Variants in SLC24A2 observed in about 807,000 individuals in gnomAD.
SLC24A2 encodes the protein solute carrier family 24 member 2.
In SLC24A2, 36 loss-of-function variants were observed where a neutral mutation model predicts 62.0. The ratio of observed to expected loss-of-function variants is 0.58; its 90% CI spans 0.44 to 0.77. SLC24A2 has a LOEUF of 0.77. Among genes scored for constraint, SLC24A2 ranks in the 30% least tolerant of loss-of-function variants. SLC24A2 has a pLI of 0.00. For missense variants in SLC24A2, 846 were observed against 817.9 expected, an observed-to-expected ratio of 1.03 and a Z score of -0.42; for synonymous variants, 358 against 294.0, an observed-to-expected ratio of 1.22 and a Z score of -2.23.
the SLC24A2 span, among the ~76,000 whole-genome samples, chr9:19,811,591 G>A: frequency 2.6e-5 from 4 of 152,124 alleles, no homozygotes; most frequent in African/African-American, 9.6e-5. Context: ...ACAGGCATCA[G>A]CCACTGTGCC....
At chr9:19,633,677 G>A (rs1818233316) in intron 2 of SLC24A2, among the ~76,000 whole-genome samples, 1 of 152,126 alleles carries the variant, frequency 6.6e-6, no homozygotes, top group South Asian at 2.1e-4. Flanking sequence ...ATTAGCATGA[G>A]TTTCTGTAAT....
chr9:19,646,004 C>T (rs986354731), intron 2 of SLC24A2, among the ~76,000 whole-genome samples: 2 of 152,178 alleles, frequency 1.3e-5, no homozygotes, highest in Non-Finnish European at 2.9e-5. Context: ...TACAGCTTCT[C>T]CACTGATAGC....
the SLC24A2 span, among the ~76,000 whole-genome samples, chr9:19,853,409 GC>G: frequency 1.3e-5 from 2 of 152,132 alleles, no homozygotes; most frequent in Non-Finnish European, 2.9e-5. Context: ...AATGCTTCTA[GC>G]TTTTGCTCTT....
the SLC24A2 span, among the ~76,000 whole-genome samples, chr9:20,061,307 C>G: frequency 6.7e-6 from 1 of 149,614 alleles, no homozygotes. Context: ...TTTTTTGAGA[C>G]AGAGTCTCAC....
chr9:19,877,603 A>G, the SLC24A2 span, among the ~76,000 whole-genome samples: 1 of 151,736 alleles, frequency 6.6e-6, no homozygotes. Context: ...AGATGGCCAG[A>G]AGTGACTTGC....
At chr9:19,758,546 C>A (rs13291328) in intron 2 of SLC24A2, among the ~76,000 whole-genome samples, 28,128 of 151,878 alleles carry the variant, frequency 0.19, 3,162 homozygotes, top group South Asian at 0.3. Context: ...ACAAAAAAAA[C>A]CCCCTAAGAA....
chr9:20,117,129 A>C, the SLC24A2 span, among the ~76,000 whole-genome samples: 2 of 152,174 alleles, frequency 1.3e-5, no homozygotes, highest in Non-Finnish European at 2.9e-5. Context: ...CATCATGCCC[A>C]GCCAAAGATA....
At chr9:19,587,490 C>T (rs765054190) in intron 5 of SLC24A2, among the ~76,000 whole-genome samples, 6 of 152,072 alleles carry the variant, frequency 3.9e-5, no homozygotes, top group Admixed American at 6.6e-5. Flanking sequence ...TCATGTGAAA[C>T]GTGGGTTAGC....
the SLC24A2 span, among the ~76,000 whole-genome samples, chr9:19,797,598 G>A: frequency 6.6e-6 from 1 of 152,212 alleles, no homozygotes; most frequent in African/African-American, 2.4e-5. Context: ...CTCTTAGGCT[G>A]ATCAATTTCC....
At chr9:19,596,925 G>C (rs1403620618) in intron 5 of SLC24A2, among the ~76,000 whole-genome samples, 2 of 152,136 alleles carry the variant, frequency 1.3e-5, no homozygotes, top group Non-Finnish European at 2.9e-5. Flanking sequence ...GTGAGCATGT[G>C]GGGGAAAGTA....
chr9:19,655,356 G>T (rs948567211), intron 2 of SLC24A2, among the ~76,000 whole-genome samples: 2 of 152,164 alleles, frequency 1.3e-5, no homozygotes, highest in Non-Finnish European at 2.9e-5. Context: ...TGATCCATTC[G>T]CATTCTAAAG....
chr9:20,145,329 A>G, the SLC24A2 span, among the ~76,000 whole-genome samples: 10,803 of 151,976 alleles, frequency 0.071, 1,286 homozygotes, highest in African/African-American at 0.24. Flanking sequence ...GGGATATAAC[A>G]TGGGGGATAT....
chr9:19,852,250 C>A, the SLC24A2 span, among the ~76,000 whole-genome samples: 2 of 152,130 alleles, frequency 1.3e-5, no homozygotes, highest in African/African-American at 2.4e-5. Context: ...GAATAGATTA[C>A]AAAAATTTTC....
chr9:19,635,346 T>C (rs1423363555), intron 2 of SLC24A2, among the ~76,000 whole-genome samples: 5 of 152,244 alleles, frequency 3.3e-5, no homozygotes, highest in Non-Finnish European at 5.9e-5. Context: ...CTTTAGCCAT[T>C]AGAAACTTCT....
chr9:20,050,087 G>A, the SLC24A2 span, among the ~76,000 whole-genome samples: 1 of 151,862 alleles, frequency 6.6e-6, no homozygotes. Context: ...AACAAGCCAA[G>A]AACTGCTCCC....
intron 2 of SLC24A2, among the ~76,000 whole-genome samples, chr9:19,668,359 T>C (rs191232012): frequency 1.7e-4 from 26 of 152,244 alleles, no homozygotes; most frequent in Admixed American, 9.8e-4. Flanking sequence ...CTGGGTGAAA[T>C]TGCACAGCCC....
chr9:19,779,886 C>T (rs1478028766), intron 2 of SLC24A2, among the ~76,000 whole-genome samples: 1 of 132,590 alleles, frequency 7.5e-6, no homozygotes, highest in Non-Finnish European at 1.7e-5. Flanking sequence ...GGTGAAACCC[C>T]GTCTCTAGTA....
chr9:19,982,088 C>A, the SLC24A2 span, among the ~76,000 whole-genome samples: 1 of 152,080 alleles, frequency 6.6e-6, no homozygotes. Context: ...GTGTGTTACT[C>A]TGGCTAGGGG....
chr9:20,070,645 G>T, the SLC24A2 span, among the ~76,000 whole-genome samples: 2 of 152,234 alleles, frequency 1.3e-5, no homozygotes, highest in African/African-American at 4.8e-5. Flanking sequence ...AGTTTATAAA[G>T]GCCTGCTACT....
Sources: gnomAD v4.1 joint callset for allele counts (sites outside exome capture counted in the v4.1 genomes callset) on GRCh38, gnomAD v4.1.1 for gene constraint, MANE v1.5 for transcripts, NCBI Gene and HGNC (gene_info 2026-07-23, HGNC 2026-07-21) for gene names.